Variants in KATNAL1 observed in about 807,000 individuals in gnomAD.
The protein encoded by KATNAL1 is katanin p60 ATPase-containing subunit A-like 1.
Under a neutral mutation model 55.2 loss-of-function variants are expected in KATNAL1, and 32 were observed. The ratio of observed to expected loss-of-function variants is 0.58; its 90% CI spans 0.44 to 0.78. The LOEUF is 0.78. Among genes scored for constraint, KATNAL1 ranks in the 30% least tolerant of loss-of-function variants. The probability of loss-of-function intolerance (pLI) is 0.00; values close to 1 mark genes in which losing one functional copy is unlikely to be tolerated. For synonymous variants in KATNAL1, 193 were observed against 193.6 expected, an observed-to-expected ratio of 1.00 and a Z score of 0.02; for missense variants, 466 against 600.9, an observed-to-expected ratio of 0.78 and a Z score of 2.35.
At chr13:30,217,081 G>C (rs905475906) in intron 9 of KATNAL1, among the ~76,000 whole-genome samples, 3 of 152,126 alleles carry the variant, frequency 2.0e-5, no homozygotes, top group Admixed American at 2.0e-4. Flanking sequence ...TGGTGGCGGG[G>C]GGGTGGGGAA....
intron 3 of KATNAL1, among the ~76,000 whole-genome samples, chr13:30,270,142 C>G (rs1249192570): frequency 7.3e-6 from 1 of 137,770 alleles, no homozygotes; most frequent in Non-Finnish European, 1.7e-5. Context: ...GCCCGGCCGC[C>G]CCTACTGGGA....
chr13:30,253,646 G>T (rs1277587688), intron 4 of KATNAL1, among the ~76,000 whole-genome samples: 3 of 111,434 alleles, frequency 2.7e-5, no homozygotes, highest in Non-Finnish European at 5.1e-5. Context: ...GCCTGGGCAA[G>T]AGCGAGACTC....
chr13:30,243,870 T>C (rs1708868449), intron 4 of KATNAL1, among the ~76,000 whole-genome samples: 2 of 152,190 alleles, frequency 1.3e-5, no homozygotes, highest in Admixed American at 1.3e-4. Flanking sequence ...AATTTATTCA[T>C]CTGTTGCCTG....
chr13:30,266,449 A>C (rs1337962937), intron 3 of KATNAL1, among the ~76,000 whole-genome samples: 1 of 152,174 alleles, frequency 6.6e-6, no homozygotes, highest in Non-Finnish European at 1.5e-5. Flanking sequence ...ATTTACATAT[A>C]ATTACTTTTA....
intron 9 of KATNAL1, among the ~76,000 whole-genome samples, chr13:30,225,677 CA>C: frequency 1.4e-5 from 2 of 141,650 alleles, no homozygotes; most frequent in South Asian, 4.3e-4. Flanking sequence ...CACACACACA[CA>C]CACACACAAA....
chr13:30,236,365 A>G (rs1180324825), intron 6 of KATNAL1, among the ~76,000 whole-genome samples: 1 of 152,026 alleles, frequency 6.6e-6, no homozygotes, highest in Admixed American at 6.5e-5. Context: ...GTTTGGCCCT[A>G]CTCTGGGTAG....
chr13:30,288,301 TG>T, intron 1 of KATNAL1, among the ~76,000 whole-genome samples: 1 of 152,298 alleles, frequency 6.6e-6, no homozygotes, highest in Non-Finnish European at 1.5e-5. Context: ...TGCCATTATT[TG>T]CAGATTAATC....
chr13:30,262,491 A>G (rs1879390068), intron 3 of KATNAL1, among the ~76,000 whole-genome samples: 1 of 152,230 alleles, frequency 6.6e-6, no homozygotes, highest in Admixed American at 6.5e-5. Flanking sequence ...TAAAGAAGAA[A>G]AGAGAGAAGA....
At chr13:30,217,003 C>A (rs528201751) in intron 9 of KATNAL1, among the ~76,000 whole-genome samples, 7 of 151,686 alleles carry the variant, frequency 4.6e-5, no homozygotes. Flanking sequence ...TAAACCTGTT[C>A]GTAAGTGAGG....
chr13:30,296,867 G>T, intron 1 of KATNAL1: 1 of 353,088 alleles, frequency 2.8e-6, no homozygotes, highest in Non-Finnish European at 5.5e-6. Flanking sequence ...CACAGTCTGG[G>T]ACCCTGGAGG....
At chr13:30,219,164 T>A (rs7489969) in intron 9 of KATNAL1, among the ~76,000 whole-genome samples, 6,575 of 152,302 alleles carry the variant, frequency 0.043, 484 homozygotes, top group African/African-American at 0.15. Context: ...CCAATTTTTT[T>A]AAATTTTAAT....
At chr13:30,234,516 C>T (rs796947035) in intron 6 of KATNAL1, among the ~76,000 whole-genome samples, 12 of 152,238 alleles carry the variant, frequency 7.9e-5, no homozygotes, top group African/African-American at 2.9e-4. Flanking sequence ...GACACTTCTG[C>T]TCTCTGGCTA....
chr13:30,261,873 A>G (rs1879314690), intron 3 of KATNAL1, among the ~76,000 whole-genome samples: 1 of 152,042 alleles, frequency 6.6e-6, no homozygotes. Flanking sequence ...CGGACCTAAT[A>G]GACATCTACA....
intron 3 of KATNAL1, among the ~76,000 whole-genome samples, chr13:30,274,623 GAAT>G (rs1773833806): frequency 6.6e-6 from 1 of 152,010 alleles, no homozygotes; most frequent in African/African-American, 2.4e-5. Context: ...CTACCACTTG[GAAT>G]AAATTGGTAC....
intron 3 of KATNAL1, among the ~76,000 whole-genome samples, chr13:30,274,551 T>A (rs934998721): frequency 6.6e-6 from 1 of 152,176 alleles, no homozygotes; most frequent in African/African-American, 2.4e-5. Context: ...AATAAAATAA[T>A]TTCAGGCTTG....
At chr13:30,216,421 A>C (rs1234040884) in intron 9 of KATNAL1, among the ~76,000 whole-genome samples, 2 of 152,180 alleles carry the variant, frequency 1.3e-5, no homozygotes, top group Non-Finnish European at 2.9e-5. Context: ...TAAACATTTT[A>C]GGAACTGTTT....
At chr13:30,277,330 C>G (rs1296194871) in intron 3 of KATNAL1, among the ~76,000 whole-genome samples, 1 of 151,976 alleles carries the variant, frequency 6.6e-6, no homozygotes, top group African/African-American at 2.4e-5. Context: ...TTATTCAATT[C>G]CATGAAGTAG....
At position 30,287,494 on chromosome 13, in the gene KATNAL1, C is replaced by A. The variant is rs182759695; in HGVS notation, c.-14-3703G>T. The stretch of plus-strand genomic sequence containing the variant: ...CATGCAGAACTGTGAGTCACTTAAA[C>A]CTCTTTTCTTTATAAATTACCCAGT... On this transcript the variant is annotated intron_variant, in intron 1 of 10. Coordinates refer to ENST00000380615, the MANE Select transcript of KATNAL1 (RefSeq NM_032116.5). 1.3e-4 allele frequency among the ~76,000 whole-genome samples: 20 copies of A among 152,294 alleles called. No homozygotes were observed. The East Asian group carries it at 3.3e-3, about 25-fold the overall frequency.
At chr13:30,251,253 T>TA (rs35612455) in intron 4 of KATNAL1, among the ~76,000 whole-genome samples, 94,214 of 151,880 alleles carry the variant, frequency 0.62, 30,042 homozygotes, top group East Asian at 0.88. Context: ...CCTTCTTAAG[T>TA]AAAAAAAATC....
Sources: gnomAD v4.1 joint callset for allele counts (sites outside exome capture counted in the v4.1 genomes callset) on GRCh38, gnomAD v4.1.1 for gene constraint, MANE v1.5 for transcripts, NCBI Gene and HGNC (gene_info 2026-07-23, HGNC 2026-07-21) for gene names.